ZNF688: variants seen among roughly 807,000 people sequenced by gnomAD.
ZNF688 encodes the protein zinc finger protein 688.
A neutral mutation model predicts 13.2 loss-of-function variants in ZNF688; 10 were observed. The ratio of observed to expected loss-of-function variants is 0.76; its 90% CI spans 0.47 to 1.28. The LOEUF is 1.28. ZNF688 is among the 50% of genes most tolerant of loss of function. The pLI, the probability that ZNF688 is intolerant of heterozygous loss-of-function variation, is 0.00. For synonymous variants in ZNF688, 160 were observed against 159.4 expected (o/e 1.00, Z -0.03); for missense variants, 381 against 391.4 (o/e 0.97, Z 0.22).
upstream of ZNF688, among the ~76,000 whole-genome samples, chr16:30,573,298 C>T (rs1310360147): frequency 1.3e-5 from 2 of 152,150 alleles, no homozygotes; most frequent in East Asian, 3.9e-4. Context: ...AAACCTTCCT[C>T]CTTTAGCCTT....
At chr16:30,578,401 TTTC>T in the ZNF688 span, 1 of 152,202 alleles carries the variant, frequency 6.6e-6, no homozygotes, top group Admixed American at 6.6e-5. Context: ...ATTGTAAATG[TTTC>T]TTCAAGACTC....
At chr16:30,579,196 A>G in the ZNF688 span, 1 of 152,616 alleles carries the variant, frequency 6.6e-6, no homozygotes, top group Non-Finnish European at 1.5e-5. Flanking sequence ...TAAAATGGAT[A>G]AATGAATGGA....
upstream of ZNF688, chr16:30,573,986 C>T: frequency 4.1e-6 from 1 of 243,716 alleles, no homozygotes. Context: ...GTTGCTCACA[C>T]CTGTAATCTC....
At chr16:30,574,884 C>A (rs1416303658), upstream of ZNF688, among the ~76,000 whole-genome samples, 2 of 152,182 alleles carry the variant, frequency 1.3e-5, no homozygotes, top group Non-Finnish European at 2.9e-5. Flanking sequence ...TACACCCTTC[C>A]AATCTCTGGT....
chr16:30,573,748 G>T (rs1247460209), upstream of ZNF688: 2 of 190,696 alleles, frequency 1.0e-5, no homozygotes, highest in South Asian at 7.7e-5. Flanking sequence ...ATGCTTTTTG[G>T]CTTTTAGTGT....
upstream of ZNF688, chr16:30,571,927 G>A: frequency 7.8e-7 from 1 of 1,285,576 alleles, no homozygotes; most frequent in Non-Finnish European, 9.8e-7. Flanking sequence ...ATTGTCACAG[G>A]CTGCTCTTAA....
upstream of ZNF688, chr16:30,572,304 G>A (rs763458181): frequency 3.5e-6 from 5 of 1,439,270 alleles, no homozygotes; most frequent in African/African-American, 5.8e-5. Context: ...TGTCCCCTAC[G>A]GTCTCTTACC....
the ZNF688 span, chr16:30,579,469 CCT>C: frequency 1.1e-5 from 2 of 185,572 alleles, no homozygotes; most frequent in Admixed American, 5.8e-5. Flanking sequence ...CTTACTGCAA[CCT>C]CTGTCTCCCA....
the ZNF688 span, chr16:30,579,910 T>C: frequency 4.4e-6 from 2 of 452,160 alleles, no homozygotes; most frequent in East Asian, 7.0e-5. Flanking sequence ...TTTTTGAGAC[T>C]GGAGTCTCAC....
intron 2 of ZNF688, 43 bp from the exon 3 acceptor site, chr16:30,570,479 C>T (rs762743839): frequency 6.4e-7 from 1 of 1,574,388 alleles, no homozygotes; most frequent in Non-Finnish European, 8.6e-7. Flanking sequence ...CACTTTTGCA[C>T]AGACTGTCTC....
At chr16:30,571,760 A>G, upstream of ZNF688, 1 of 1,335,412 alleles carries the variant, frequency 7.5e-7, no homozygotes, top group Non-Finnish European at 9.5e-7. Context: ...CAGCCGAGGC[A>G]ACCGAAGTAG....
rs3072029 is a variant in ZNF688 at position 30,570,722 on chromosome 16, A to ATTATTTATTTAT, written c.310+276_310+287dup. 1,823 of 300,040 alleles carry ATTATTTATTTAT rather than the reference A, an allele frequency of 6.1e-3. 21 individuals carry two copies. The highest frequency in any genetic ancestry group is 0.02 in the African/African-American group (819 of 41,162). 18.6% of individuals were successfully genotyped at this position (300,040 alleles called of 1,614,324 possible). A position where few individuals can be genotyped will look rare whatever the true frequency, so the allele number is the denominator to read the frequency against. On this transcript the variant is annotated intron_variant, in intron 2 of 2. Transcript: ENST00000223459. ...AGGAAGTGCTCAGGAAGCAGGGGCT[A>ATTATTTATTTAT]TTATTTATTTATTTATTTATTTATT...
chr16:30,579,935 T>G, the ZNF688 span: 16 of 447,466 alleles, frequency 3.6e-5, no homozygotes, highest in South Asian at 2.4e-4. Context: ...TCGCCCAGGC[T>G]GGAGTGCAGT....
At chr16:30,570,737 AT>A (rs931022710) in intron 2 of ZNF688, 1 of 306,854 alleles carries the variant, frequency 3.3e-6, no homozygotes, top group African/African-American at 2.2e-5. Context: ...TTATTTATTT[AT>A]TTATTTATTT....
In ZNF688 at chr16:30,570,033, C is replaced by T; in HGVS notation, c.714G>A (p.Gly238=). The change falls in exon 3 of 3, where the codon GGG becomes GGA. Residue 238 remains glycine, a synonymous_variant. Transcript: ENST00000223459. Reference sequence around the variant, plus strand: ...TCCCAGGCCTCCGGCCCCGCCGCCCCCCGGAGCAGGAGCGGTGGATCCACT... The same window carrying T: ...TCCCAGGCCTCCGGCCCCGCCGCCCTCCGGAGCAGGAGCGGTGGATCCACT... The part of the protein sequence containing the change: ...AHQWIHRSCS[G]GRRGRRPGIR... 1 of 1,611,126 alleles carries T rather than the reference C, an allele frequency of 6.2e-7. No homozygotes were observed. The highest frequency in any genetic ancestry group is 8.5e-7 in the Non-Finnish European group (1 of 1,179,352).
At chr16:30,571,856 A>G (rs1283802361), upstream of ZNF688, 3 of 1,285,312 alleles carry the variant, frequency 2.3e-6, no homozygotes, top group Admixed American at 4.0e-5. Context: ...CCGCTTGGAC[A>G]TAGACACCCG....
At position 30,571,024 on chromosome 16, in the gene ZNF688, C is replaced by T. The variant is rs369135675; in HGVS notation, c.296G>A (p.Gly99Glu). Residue 99 changes from glycine (G) to glutamate (E), a missense_variant, in exon 2 of 3, where the codon GGA (glycine) becomes GAA (glutamate). Transcript: ENST00000223459. ...AQDPEKGERL[G>E]GARRGDVPNR... Reference sequence around the variant, plus strand: ...CTATCCCTCACCTCTCCGAGCTCCTCCCAGTCTTTCCCCCTTCTCAGGATC... The same window carrying T: ...CTATCCCTCACCTCTCCGAGCTCCTTCCAGTCTTTCCCCCTTCTCAGGATC... The T allele has an allele frequency of 6.8e-6, 11 of 1,613,724 alleles. No individual in the cohort carries two copies. The highest frequency in any genetic ancestry group is 3.3e-4 in the Middle Eastern group (2 of 6,084).
At position 30,570,386 on chromosome 16, in the gene ZNF688, T is replaced by G; in HGVS notation, c.361A>C (p.Lys121Gln). ...EEEPEEVPRA[K>Q]GPRKAPVKES... ...TTCACAGGAGCCTTTCTAGGCCCTTTGGCTCTTGGGACTTCCTCCGGTTCC... is the reference window on the plus strand; with the variant it reads ...TTCACAGGAGCCTTTCTAGGCCCTTGGGCTCTTGGGACTTCCTCCGGTTCC... Residue 121 changes from lysine to glutamine, a missense_variant, in exon 3 of 3, where the codon AAA (lysine) becomes CAA (glutamine). Transcript: ENST00000223459. The G allele has an allele frequency of 6.2e-7, 1 of 1,613,896 alleles. No homozygotes were observed. Among genetic ancestry groups the G allele is most frequent in the Non-Finnish European group, 8.5e-7 (1 of 1,180,018 alleles).
upstream of ZNF688, among the ~76,000 whole-genome samples, chr16:30,576,058 TTTTG>T (rs1475833290): frequency 6.6e-6 from 1 of 151,994 alleles, no homozygotes; most frequent in African/African-American, 2.4e-5. Flanking sequence ...TTGTGTGCTT[TTTTG>T]TTTTTGAGTC....
Sources: allele counts gnomAD v4.1 joint callset (sites outside exome capture counted in the v4.1 genomes callset), GRCh38; gene constraint gnomAD v4.1.1; transcripts MANE v1.5; gene names NCBI Gene and HGNC (gene_info 2026-07-23, HGNC 2026-07-21).